PCDHGA6: variants seen among roughly 807,000 people sequenced by gnomAD.
PCDHGA6 encodes protocadherin gamma-A6.
PCDHGA6 carries 41 observed loss-of-function variants against 60.6 expected under a neutral mutation model. The observed-to-expected ratio is 0.68, with a 90% CI of 0.53 to 0.88. The LOEUF (loss-of-function observed/expected upper bound fraction) is 0.88. Among genes scored for constraint, PCDHGA6 ranks in the 40% least tolerant of loss-of-function variants. PCDHGA6 has a pLI of 0.00. For synonymous variants in PCDHGA6, 594 were observed against 524.4 expected (o/e 1.13, Z -1.81); for missense variants, 1,312 against 1,203.0 (o/e 1.09, Z -1.34).
At position 141,486,134 on chromosome 5, in the gene PCDHGA6, C is replaced by T; in HGVS notation, c.2425-8673C>T. 6.2e-7 allele frequency: 1 copy of T among 1,614,168 alleles called. No homozygotes were observed. ...TGAGAATTACTATGAATTTGATGTG[C>T]GGGCTCGCGATGGGGGTTCTCCAGC... On this transcript the variant is annotated intron_variant, in intron 1 of 3. Coordinates refer to ENST00000517434, the MANE Select transcript of PCDHGA6 (RefSeq NM_018919.3). The surrounding 1 kb of genome is among the most constrained non-coding windows in gnomAD (Gnocchi z 5.0).
chr5:141,376,438 T>C lies in PCDHGA6; in HGVS notation c.2355T>C (p.Tyr785=), dbSNP rs752669729. 6.2e-6 allele frequency: 10 copies of C among 1,614,058 alleles called. No homozygotes were observed. The Admixed American group carries it at 8.3e-5, about 13-fold the overall frequency. The change falls in exon 1 of 4, where the codon TAT becomes TAC. Residue 785 remains tyrosine, a synonymous_variant. Coordinates refer to ENST00000517434, the MANE Select transcript of PCDHGA6 (RefSeq NM_018919.3). ...ACACGCTTATCAACCAGGAGAGCTA[T>C]GAGAAAAGCGAGCCTCTTCTGATAA... The part of the protein sequence containing the change: ...YADTLINQES[Y]EKSEPLLITQ...
At chr5:141,399,806 A>G in intron 1 of PCDHGA6, 1 of 1,613,106 alleles carries the variant, frequency 6.2e-7, no homozygotes, top group Non-Finnish European at 8.5e-7. Context: ...CGGGTGCTGT[A>G]CCCCGCGCTG....
chr5:141,374,208 G>T lies in PCDHGA6; in HGVS notation c.125G>T (p.Gly42Val), dbSNP rs777295061. Residue 42 changes from glycine (G) to valine (V), a missense_variant, in exon 1 of 4, where the codon GGC becomes GTC. Coordinates refer to ENST00000517434, the MANE Select transcript of PCDHGA6 (RefSeq NM_018919.3). ...TCTATTCCCGAGGAGCTGGAGAAAG[G>T]CTCCTTCGTAGGCAACATCGTCAAG... is the stretch of plus-strand genomic sequence containing the variant. ...RYSIPEELEKGSFVGNIVKDL... is the reference protein window; with the variant it reads ...RYSIPEELEKVSFVGNIVKDL... 11 of 1,613,952 alleles carry T rather than the reference G, an allele frequency of 6.8e-6. No homozygotes were observed. The highest frequency in any genetic ancestry group is 3.3e-5 in the South Asian group (3 of 91,092).
At chr5:141,417,667 C>A (rs545100460) in intron 1 of PCDHGA6, 5 of 918,744 alleles carry the variant, frequency 5.4e-6, no homozygotes, top group South Asian at 3.8e-5. Flanking sequence ...GGATTCCCTG[C>A]GCAGCCAACA....
intron 1 of PCDHGA6, among the ~76,000 whole-genome samples, chr5:141,473,404 T>A (rs953797915): frequency 6.6e-6 from 1 of 152,226 alleles, no homozygotes; most frequent in Non-Finnish European, 1.5e-5. Flanking sequence ...TCTTTTTTTC[T>A]TCTTCAGTGG....
intron 1 of PCDHGA6, chr5:141,423,556 G>A (rs926962652): frequency 2.5e-6 from 4 of 1,613,550 alleles, no homozygotes; most frequent in African/African-American, 2.7e-5. Flanking sequence ...GCCCAACTAT[G>A]GGGACACGCT....
intron 1 of PCDHGA6, chr5:141,389,614 C>G: frequency 6.2e-7 from 1 of 1,613,062 alleles, no homozygotes; most frequent in South Asian, 1.1e-5. Flanking sequence ...GATATGGTGC[C>G]GCACGCTGCA....
intron 3 of PCDHGA6, chr5:141,508,275 T>G (rs1030431371): frequency 6.6e-6 from 1 of 152,138 alleles, no homozygotes. Context: ...ATCCCGGTCC[T>G]TGACCAAGGT....
rs145718404 is a variant in PCDHGA6 at position 141,404,928 on chromosome 5, C to T, written c.2424+28421C>T. On this transcript the variant is annotated intron_variant, in intron 1 of 3. Transcript: ENST00000517434. ...CAGCCCCCTCTCTCGGCCACTGTCA[C>T]GCTCACAGTAGCCATAGCTGACAGC... The T allele has an allele frequency of 1.6e-4, 263 of 1,613,866 alleles. 1 individual carries two copies. In the African/African-American group the frequency reaches 2.2e-3, roughly 13 times the overall value.
chr5:141,483,530 GC>G (rs1384645281), intron 1 of PCDHGA6, among the ~76,000 whole-genome samples: 2 of 152,158 alleles, frequency 1.3e-5, no homozygotes, highest in African/African-American at 4.8e-5. Flanking sequence ...GACTAAGGAA[GC>G]TGGGTGGTTG....
Position 141,410,082 on chromosome 5 carries a change from G to A in PCDHGA6, c.2424+33575G>A, listed in dbSNP as rs780485949. 1.6e-5 allele frequency: 25 copies of A among 1,612,386 alleles called. No individual in the cohort carries two copies. The Admixed American group carries it at 3.8e-4, about 25-fold the overall frequency. On this transcript the variant is annotated intron_variant, in intron 1 of 3. Transcript: ENST00000517434. ...CTGGGGCTGCGCACTGGGGAGGTGC[G>A]CACGGCTCGAGCCTTAGGCGACAGG... is the stretch of plus-strand genomic sequence containing the variant.
intron 1 of PCDHGA6, among the ~76,000 whole-genome samples, chr5:141,433,573 C>T (rs1400327372): frequency 1.3e-5 from 2 of 152,046 alleles, no homozygotes; most frequent in Admixed American, 1.3e-4. Flanking sequence ...CGGTGGCTCA[C>T]GCCTGTAATC....
intron 2 of PCDHGA6, among the ~76,000 whole-genome samples, chr5:141,496,839 AG>A (rs2099771805): frequency 1.3e-5 from 2 of 151,484 alleles, no homozygotes; most frequent in African/African-American, 4.9e-5. Context: ...CAGAACTCAT[AG>A]GCTTCCAGAC....
intron 1 of PCDHGA6, chr5:141,419,492 A>G: frequency 6.2e-7 from 1 of 1,612,358 alleles, no homozygotes; most frequent in South Asian, 1.1e-5. Flanking sequence ...GCTCAGCGCC[A>G]ATGTGAGCCT....
rs767481676 is a variant in PCDHGA6, at chr5:141,374,879, G to C, written c.796G>C (p.Ala266Pro). 1 of 1,613,694 alleles carries C rather than the reference G, an allele frequency of 6.2e-7. No individual in the cohort carries two copies. Among genetic ancestry groups the C allele is most frequent in the Admixed American group, 1.7e-5 (1 of 60,032 alleles). ...AGGCACACCAGTGTTGGCAGTGACT[G>C]CCACCGACCAGGATGAAGGAGTCCA... ...PVGTPVLAVTATDQDEGVHGE... is the reference protein window; with the variant it reads ...PVGTPVLAVTPTDQDEGVHGE... Residue 266 changes from alanine to proline, a missense_variant, in exon 1 of 4, where the codon GCC (alanine) becomes CCC (proline). Ala to Pro is a conservative substitution (Grantham distance 27, BLOSUM62 -1). Coordinates refer to ENST00000517434, the MANE Select transcript of PCDHGA6 (RefSeq NM_018919.3).
Position 141,374,612 on chromosome 5 carries a change from C to T in PCDHGA6, c.529C>T (p.His177Tyr). The T allele has an allele frequency of 1.9e-6, 3 of 1,613,552 alleles. 1 individual carries two copies. The highest frequency in any genetic ancestry group is 1.1e-5 in the South Asian group (1 of 91,056). Residue 177 changes from histidine (H) to tyrosine (Y), a missense_variant, in exon 1 of 4, where the codon CAC (histidine) becomes TAC (tyrosine). Physicochemically the swap from His to Tyr is moderately conservative, Grantham distance 83 (BLOSUM62 2). Transcript: ENST00000517434. ...LQGFKLSGNS[H>Y]FSVDVQSEAH... ...GGGATTTAAGCTCAGTGGTAATAGT[C>T]ACTTCTCAGTGGACGTGCAAAGCGA...
At chr5:141,383,962 T>C in intron 1 of PCDHGA6, 2 of 1,613,460 alleles carry the variant, frequency 1.2e-6, no homozygotes, top group Non-Finnish European at 1.7e-6. Flanking sequence ...TTTAAGTAGC[T>C]CAATCCCTGA....
intron 1 of PCDHGA6, among the ~76,000 whole-genome samples, chr5:141,457,698 G>C (rs1008393847): frequency 7.9e-5 from 12 of 152,234 alleles, no homozygotes; most frequent in Admixed American, 5.2e-4. Flanking sequence ...GATTGGCTTT[G>C]ATGAAACACT....
In PCDHGA6 at chr5:141,494,863, C is replaced by A. The variant is rs538734954; in HGVS notation, c.2481C>A (p.Ser827Arg). 17 of 1,614,118 alleles carry A rather than the reference C, an allele frequency of 1.1e-5. No individual in the cohort carries two copies. Among genetic ancestry groups the A allele is most frequent in the Non-Finnish European group, 1.4e-5 (17 of 1,179,994 alleles). Residue 827 changes from serine to arginine, a missense_variant and splice_region_variant, in exon 2 of 4, where the codon AGC becomes AGA. By Grantham distance (110) the Ser-to-Arg change is moderately radical. Transcript: ENST00000517434. ...RFSQAQRPGT[S>R]GSQNGDDTGT... ...CTCAGGCCCAGAGACCCGGCACCAG[C>A]GGGTAGGTGACTGATTCTCCAGCCC...
Sources: gnomAD v4.1 joint callset for allele counts (sites outside exome capture counted in the v4.1 genomes callset) on GRCh38, gnomAD v4.1.1 for gene constraint, Gnocchi (gnomAD v3.1) non-coding constraint, MANE v1.5 for transcripts, NCBI Gene and HGNC (gene_info 2026-07-23, HGNC 2026-07-21) for gene names.